GBF1: variants seen among roughly 807,000 people sequenced by gnomAD.
The protein encoded by GBF1 is golgi brefeldin A resistant guanine nucleotide exchange factor 1.
In GBF1, 114 loss-of-function variants were observed where a neutral mutation model predicts 210.5. The observed-to-expected ratio is 0.54, with a 90% CI of 0.47 to 0.63. The LOEUF is 0.63. Among genes scored for constraint, GBF1 ranks in the 30% least tolerant of loss-of-function variants. GBF1 has a pLI of 0.00. For missense variants in GBF1, 1,851 were observed against 2,357.7 expected (o/e 0.79, Z 4.45); for synonymous variants, 850 against 889.2 (o/e 0.96, Z 0.78).
chr10:102,380,994 CAAA>C, intron 38 of GBF1, 130 bp from the exon 39 acceptor site: 3 of 644,022 alleles, frequency 4.7e-6, no homozygotes, highest in Non-Finnish European at 5.0e-6. Flanking sequence ...GATTCCATCT[CAAA>C]AAAAAAAAGT....
rs2059727865 is a variant in GBF1 at position 102,363,486 on chromosome 10, T to G, written c.2017+90T>G. On this transcript the variant is annotated intron_variant, in intron 16 of 39. Coordinates refer to ENST00000369983, the MANE Select transcript of GBF1 (RefSeq NM_001377137.1). The surrounding 1 kb of genome is among the most constrained non-coding windows in gnomAD (Gnocchi z 4.2). ...GGGAGCAGACACCTAGGATAGTAAC[T>G]AAGCAAGCCTTGGTAGCCCGCCTCG... The G allele has an allele frequency of 7.9e-7, 1 of 1,270,408 alleles. No homozygotes were observed. The highest frequency in any genetic ancestry group is 1.1e-6 in the Non-Finnish European group (1 of 901,914). 78.7% of individuals were successfully genotyped at this position (1,270,408 alleles called of 1,614,324 possible).
intron 33 of GBF1, among the ~76,000 whole-genome samples, chr10:102,377,604 C>T (rs528134854): frequency 1.2e-4 from 19 of 152,230 alleles, no homozygotes; most frequent in African/African-American, 3.6e-4. Context: ...CCGCCTGCCT[C>T]GGCCTCTCAA....
At chr10:102,235,942 G>A in the GBF1 span, among the ~76,000 whole-genome samples, 5 of 152,246 alleles carry the variant, frequency 3.3e-5, no homozygotes, top group Non-Finnish European at 7.3e-5. Context: ...CAAGGGACTG[G>A]TAGAGGAAAG....
the GBF1 span, chr10:102,231,699 G>A: frequency 1.2e-6 from 2 of 1,610,802 alleles, no homozygotes; most frequent in South Asian, 2.2e-5. Flanking sequence ...GCTGCTGGCT[G>A]GTGAAGTGCG....
At chr10:102,320,091 C>G (rs894644195) in intron 3 of GBF1, among the ~76,000 whole-genome samples, 2 of 152,106 alleles carry the variant, frequency 1.3e-5, no homozygotes, top group African/African-American at 4.8e-5. Context: ...CATCCAGTAG[C>G]TTCTAGGAAA....
At chr10:102,231,983 C>A in the GBF1 span, 1 of 1,610,532 alleles carries the variant, frequency 6.2e-7, no homozygotes, top group Non-Finnish European at 8.5e-7. Context: ...CTGGCCCTTG[C>A]AGCCGTGCTC....
intron 3 of GBF1, among the ~76,000 whole-genome samples, chr10:102,327,607 C>A (rs2057005781): frequency 6.6e-6 from 1 of 152,120 alleles, no homozygotes; most frequent in African/African-American, 2.4e-5. Flanking sequence ...ATTCTTATTT[C>A]TTTCTGGATT....
chr10:102,298,393 A>G (rs1188869550), intron 3 of GBF1, among the ~76,000 whole-genome samples: 4 of 152,236 alleles, frequency 2.6e-5, no homozygotes, highest in Non-Finnish European at 5.9e-5. Context: ...GCTATTGGCT[A>G]AAATTGTGAG....
chr10:102,244,208 A>C (rs114883549), upstream of GBF1, among the ~76,000 whole-genome samples: 1,558 of 152,324 alleles, frequency 0.01, 23 homozygotes, highest in African/African-American at 0.036. Flanking sequence ...TGGTCTTTGG[A>C]TGTCTGGTTT....
At chr10:102,357,905 G>A in intron 8 of GBF1, 134 bp from the exon 9 acceptor site, 1 of 688,974 alleles carries the variant, frequency 1.5e-6, no homozygotes. Context: ...TGAACTGATG[G>A]TCTAGAGTCT....
intron 3 of GBF1, among the ~76,000 whole-genome samples, chr10:102,304,397 C>T (rs2077656993): frequency 6.6e-6 from 1 of 152,040 alleles, no homozygotes; most frequent in Non-Finnish European, 1.5e-5. Context: ...TTTTTTAAAT[C>T]TGAGAAAATT....
intron 3 of GBF1, among the ~76,000 whole-genome samples, chr10:102,310,559 A>G (rs902621608): frequency 1.3e-5 from 2 of 152,218 alleles, no homozygotes; most frequent in Non-Finnish European, 2.9e-5. Context: ...TCTTGGCACT[A>G]AGAAAACCTT....
chr10:102,288,740 A>AAAAAAAAAAAG (rs2076188436), intron 3 of GBF1, among the ~76,000 whole-genome samples: 1 of 151,008 alleles, frequency 6.6e-6, no homozygotes, highest in Non-Finnish European at 1.5e-5. Context: ...AAAAAACAAA[A>AAAAAAAAAAAG]AAAAAAAACG....
intron 3 of GBF1, among the ~76,000 whole-genome samples, chr10:102,320,877 C>A (rs889065925): frequency 2.0e-5 from 3 of 151,710 alleles, no homozygotes; most frequent in African/African-American, 7.3e-5. Context: ...CTCACTACAA[C>A]CTCCACCTCC....
chr10:102,298,763 A>G (rs2077106997), intron 3 of GBF1, among the ~76,000 whole-genome samples: 1 of 152,240 alleles, frequency 6.6e-6, no homozygotes, highest in Admixed American at 6.5e-5. Flanking sequence ...ATACTTAGTA[A>G]GTCACAGAAG....
Position 102,370,490 on chromosome 10 carries a change from G to C in GBF1, c.3506+12G>C. ...GTGTTGGAGAACAGGTAAGATGAGC[G>C]TAGTCTTTAGGCAGACCCCATGCTG... On this transcript the variant is annotated intron_variant, in intron 28 of 39. Coordinates refer to ENST00000369983, the MANE Select transcript of GBF1 (RefSeq NM_001377137.1). 1 of 1,589,634 alleles carries C rather than the reference G, an allele frequency of 6.3e-7. No individual in the cohort carries two copies. The highest frequency in any genetic ancestry group is 8.6e-7 in the Non-Finnish European group (1 of 1,157,666).
In GBF1 at chr10:102,329,933, A is replaced by AC. The variant is rs199518068; in HGVS notation, c.164-14113dup. On this transcript the variant is annotated intron_variant, in intron 3 of 39. Transcript: ENST00000369983. Reference sequence around the variant, plus strand: ...AGACCAGCCTGGGCAACATAGCAAGACCCCCTATCTACAAAAAATTTAAAA... The same window carrying AC: ...AGACCAGCCTGGGCAACATAGCAAGACCCCCCTATCTACAAAAAATTTAAAA... 4.3e-3 allele frequency among the ~76,000 whole-genome samples: 646 copies of AC among 151,872 alleles called. 22 individuals are homozygous for AC. Among genetic ancestry groups the AC allele is most frequent in the Admixed American group, 0.038 (586 of 15,252 alleles).
rs1214774891 is a variant in GBF1 at position 102,369,429 on chromosome 10, A to C, written c.3150+42A>C. 4 of 1,464,122 alleles carry C rather than the reference A, an allele frequency of 2.7e-6. No individual in the cohort carries two copies. In the African/African-American group the frequency reaches 5.6e-5, roughly 20 times the overall value. 90.7% of individuals were successfully genotyped at this position (1,464,122 alleles called of 1,614,324 possible). A position where few individuals can be genotyped will look rare whatever the true frequency, so the allele number is the denominator to read the frequency against. On this transcript the variant is annotated intron_variant, in intron 24 of 39. Transcript: ENST00000369983. The stretch of plus-strand genomic sequence containing the variant: ...GACTAGTGAGCGATAACAAGGCAAG[A>C]GCTGCAACATTGTATGCTACCTGTA...
chr10:102,338,910 T>C (rs1003185718), intron 3 of GBF1, among the ~76,000 whole-genome samples: 4 of 152,096 alleles, frequency 2.6e-5, no homozygotes, highest in African/African-American at 7.2e-5. Flanking sequence ...AGCAAAGATA[T>C]CATGTCTCCC....
Sources: gnomAD v4.1 joint callset for allele counts (sites outside exome capture counted in the v4.1 genomes callset) on GRCh38, gnomAD v4.1.1 for gene constraint, Gnocchi (gnomAD v3.1) non-coding constraint, MANE v1.5 for transcripts, NCBI Gene and HGNC (gene_info 2026-07-23, HGNC 2026-07-21) for gene names.